The following HHLA1 variants were observed in gnomAD, a reference collection of about 807,000 sequenced individuals.
HHLA1 encodes HHLA1 neighbor of OC90, also known as HERV-H LTR-associating protein 1.
In HHLA1, 72 loss-of-function variants were observed where a neutral mutation model predicts 69.9. The observed-to-expected ratio is 1.03, with a 90% CI of 0.85 to 1.25. The LOEUF is 1.25. HHLA1 is among the 50% of genes most tolerant of loss of function. The pLI, the probability that HHLA1 is intolerant of heterozygous loss-of-function variation, is 0.00. For synonymous variants in HHLA1, 252 were observed against 233.2 expected (o/e 1.08, Z -0.73); for missense variants, 685 against 642.2 (o/e 1.07, Z -0.72).
At chr8:132,070,396 A>T (rs1484562624) in intron 15 of HHLA1, 1 of 701,846 alleles carries the variant, frequency 1.4e-6, no homozygotes, top group Non-Finnish European at 2.6e-6. Flanking sequence ...ATTTAGATAG[A>T]CATATCTTCT....
chr8:132,095,399 G>T, intron 7 of HHLA1, 120 bp downstream of exon 7: 1 of 620,530 alleles, frequency 1.6e-6, no homozygotes, highest in Admixed American at 2.9e-5. Flanking sequence ...TGAGCACATG[G>T]TTAAGGGTAG....
chr8:132,105,297 G>A lies in HHLA1; in HGVS notation c.-21-11C>T. On this transcript the variant is annotated splice_polypyrimidine_tract_variant and intron_variant, in intron 1 of 16. Transcript: ENST00000414222. ...GATACTCTGGCCCACCTGGAATGAA[G>A]CAAGCAAACACTTAGGAAACTAAGC... 3 of 1,514,782 alleles carry A rather than the reference G, an allele frequency of 2.0e-6. No homozygotes were observed. The highest frequency in any genetic ancestry group is 1.7e-4 in the Middle Eastern group (1 of 5,942). 93.8% of individuals were successfully genotyped at this position (1,514,782 alleles called of 1,614,324 possible).
At chr8:132,083,806 G>A (rs1823806439) in intron 10 of HHLA1, among the ~76,000 whole-genome samples, 1 of 152,158 alleles carries the variant, frequency 6.6e-6, no homozygotes, top group African/African-American at 2.4e-5. Flanking sequence ...GTCTCACAGT[G>A]GAGGCAAGGA....
chr8:132,095,440 T>A (rs951072996), intron 7 of HHLA1, 79 bp downstream of exon 7: 46 of 890,094 alleles, frequency 5.2e-5, no homozygotes, highest in Non-Finnish European at 8.3e-5. Context: ...TGTCTTACAT[T>A]GAGGAAAAAC....
chr8:132,075,944 T>A, intron 14 of HHLA1, 111 bp downstream of exon 14: 9 of 754,516 alleles, frequency 1.2e-5, no homozygotes, highest in Non-Finnish European at 1.9e-5. Context: ...AAGATTTGAA[T>A]CCCATGAGTC....
chr8:132,095,876 T>C, intron 5 of HHLA1, 90 bp from the exon 6 acceptor site: 1 of 664,220 alleles, frequency 1.5e-6, no homozygotes. Context: ...AAATTAACAA[T>C]GCCAATAAAG....
At chr8:132,098,833 G>C in intron 5 of HHLA1, 49 bp downstream of exon 5, 2 of 1,230,066 alleles carry the variant, frequency 1.6e-6, no homozygotes, top group Non-Finnish European at 2.3e-6. Context: ...AAAGACACTG[G>C]TACAAGAAAA....
intron 4 of HHLA1, 104 bp downstream of exon 4, chr8:132,099,971 G>C (rs1824086897): frequency 1.3e-6 from 1 of 792,158 alleles, no homozygotes; most frequent in African/African-American, 1.7e-5. Context: ...AATGATTAAA[G>C]AGATGACGTT....
intron 10 of HHLA1, among the ~76,000 whole-genome samples, chr8:132,084,779 G>C (rs1823831091): frequency 6.6e-6 from 1 of 150,796 alleles, no homozygotes; most frequent in Non-Finnish European, 1.5e-5. Flanking sequence ...GGGGGTGGTG[G>C]TTCTTGCCCT....
chr8:132,081,324 T>C (rs1268311838), intron 10 of HHLA1, among the ~76,000 whole-genome samples: 2 of 152,222 alleles, frequency 1.3e-5, no homozygotes, highest in Admixed American at 1.3e-4. Flanking sequence ...GGAGCCTAAA[T>C]GGGCTGTACC....
intron 1 of HHLA1, among the ~76,000 whole-genome samples, chr8:132,106,912 C>T (rs1162127105): frequency 6.6e-6 from 1 of 152,192 alleles, no homozygotes; most frequent in Non-Finnish European, 1.5e-5. Context: ...TCAAGCACTG[C>T]GCAAACATTA....
chr8:132,095,674 A>G, intron 6 of HHLA1, 29 bp downstream of exon 6: 1 of 1,541,964 alleles, frequency 6.5e-7, no homozygotes. Flanking sequence ...TACCACCACC[A>G]CCATCAAGAA....
intron 10 of HHLA1, among the ~76,000 whole-genome samples, chr8:132,082,994 G>A (rs1362497412): frequency 2.6e-5 from 4 of 151,420 alleles, no homozygotes; most frequent in Non-Finnish European, 5.9e-5. Flanking sequence ...CATTGAGTGG[G>A]GTAAGGGTGA....
chr8:132,074,328 G>C (rs547407438), intron 14 of HHLA1, among the ~76,000 whole-genome samples: 34 of 150,410 alleles, frequency 2.3e-4, no homozygotes, highest in African/African-American at 8.3e-4. Flanking sequence ...TTCAATTGCA[G>C]CTTTTTTTTT....
chr8:132,106,208 G>A (rs1428392157), intron 1 of HHLA1, among the ~76,000 whole-genome samples: 1 of 152,218 alleles, frequency 6.6e-6, no homozygotes, highest in Non-Finnish European at 1.5e-5. Flanking sequence ...GGTGAATTGG[G>A]CGGGAAGAAA....
At chr8:132,079,480 G>A (rs186311527) in intron 11 of HHLA1, among the ~76,000 whole-genome samples, 23 of 152,278 alleles carry the variant, frequency 1.5e-4, no homozygotes, top group African/African-American at 5.1e-4. Context: ...AACTATTTCA[G>A]AATAAAAAGG....
intron 15 of HHLA1, 139 bp downstream of exon 15, chr8:132,071,201 G>T: frequency 1.5e-6 from 1 of 653,956 alleles, no homozygotes; most frequent in Non-Finnish European, 2.6e-6. Flanking sequence ...TCACTGGAGA[G>T]TCCCTTACCT....
chr8:132,082,450 T>G (rs1276086148), intron 10 of HHLA1, among the ~76,000 whole-genome samples: 1 of 152,104 alleles, frequency 6.6e-6, no homozygotes, highest in Non-Finnish European at 1.5e-5. Context: ...AAAGGAGTTG[T>G]TGTTTTGTAG....
chr8:132,083,150 T>C (rs1455747943), intron 10 of HHLA1, among the ~76,000 whole-genome samples: 1 of 151,672 alleles, frequency 6.6e-6, no homozygotes, highest in African/African-American at 2.4e-5. Flanking sequence ...GGCAATGAGA[T>C]ATAGCTGTAG....
Sources: gnomAD v4.1 joint callset for allele counts (sites outside exome capture counted in the v4.1 genomes callset) on GRCh38, gnomAD v4.1.1 for gene constraint, MANE v1.5 for transcripts, NCBI Gene and HGNC (gene_info 2026-07-23, HGNC 2026-07-21) for gene names.